Variants in ITSN1 observed in about 807,000 individuals in gnomAD.
The protein encoded by ITSN1 is intersectin 1.
In ITSN1, 58 loss-of-function variants were observed where a neutral mutation model predicts 239.8. The ratio of observed to expected loss-of-function variants is 0.24; its 90% CI spans 0.20 to 0.30. The LOEUF (loss-of-function observed/expected upper bound fraction) is 0.30. ITSN1 is among the 10% of genes least tolerant of loss of function. The pLI, the probability that ITSN1 is intolerant of heterozygous loss-of-function variation, is 1.00. For missense variants in ITSN1, 1,558 were observed against 2,103.3 expected (o/e 0.74, Z 5.07); for synonymous variants, 780 against 770.8 (o/e 1.01, Z -0.20).
At chr21:33,742,421 T>C (rs1472491317) in intron 5 of ITSN1, among the ~76,000 whole-genome samples, 1 of 152,152 alleles carries the variant, frequency 6.6e-6, no homozygotes, top group Non-Finnish European at 1.5e-5. Context: ...AAAACAGAAT[T>C]GTGTACATTT....
intron 26 of ITSN1, among the ~76,000 whole-genome samples, chr21:33,828,158 G>A (rs1481316784): frequency 1.3e-5 from 2 of 152,234 alleles, no homozygotes; most frequent in East Asian, 3.8e-4. Flanking sequence ...GGACACAAAA[G>A]ACTGCAGAGA....
intron 29 of ITSN1, 119 bp downstream of exon 29, chr21:33,836,751 T>C: frequency 1.2e-6 from 1 of 853,944 alleles, no homozygotes; most frequent in South Asian, 1.7e-5. Flanking sequence ...CATTGCTGCA[T>C]TCGCAGTCGT....
chr21:33,724,093 G>T (rs200228576), intron 4 of ITSN1, among the ~76,000 whole-genome samples: 1 of 113,934 alleles, frequency 8.8e-6, no homozygotes, highest in African/African-American at 4.0e-5. Flanking sequence ...TTGTGTGTGT[G>T]TGTTTGTGTG....
At chr21:33,788,821 C>T (rs576324897) in intron 16 of ITSN1, among the ~76,000 whole-genome samples, 1 of 152,170 alleles carries the variant, frequency 6.6e-6, no homozygotes, top group South Asian at 2.1e-4. Flanking sequence ...ATAAATGTAG[C>T]CTGGTACAGT....
chr21:33,812,417 T>C (rs768530852), intron 21 of ITSN1, among the ~76,000 whole-genome samples: 1 of 152,232 alleles, frequency 6.6e-6, no homozygotes, highest in Non-Finnish European at 1.5e-5. Context: ...TCAGATTTGT[T>C]TGTATATCTT....
rs1399036099 is a variant in ITSN1 at position 33,774,853 on chromosome 21, CTT to C, written c.1432_1433del (p.Leu478GlyfsTer3). The C allele has an allele frequency of 1.2e-6, 2 of 1,612,212 alleles. No individual in the cohort carries two copies. Among genetic ancestry groups the C allele is most frequent in the Non-Finnish European group, 1.7e-6 (2 of 1,179,528 alleles). ...GTTGTACTGAAAGCAAAGAAAAAGACTTTGGAATTTGAATTAGAAGCTCTAGT... is the reference window on the plus strand; with the variant it reads ...GTTGTACTGAAAGCAAAGAAAAAGACTGGAATTTGAATTAGAAGCTCTAGT... On this transcript the variant is annotated frameshift_variant, in exon 13 of 40. Transcript: ENST00000381318. LOFTEE classifies it high-confidence loss of function.
intron 16 of ITSN1, among the ~76,000 whole-genome samples, chr21:33,783,360 G>A (rs559514940): frequency 6.6e-6 from 1 of 152,164 alleles, no homozygotes; most frequent in African/African-American, 2.4e-5. Context: ...TGAGTTTGAG[G>A]TATGTGTGCT....
At chr21:33,805,647 G>A (rs1028293520) in intron 20 of ITSN1, among the ~76,000 whole-genome samples, 3 of 152,056 alleles carry the variant, frequency 2.0e-5, no homozygotes, top group African/African-American at 7.2e-5. Flanking sequence ...CTCCAGGTTG[G>A]AGCTTTAGAA....
chr21:33,653,397 G>A (rs1231744723), intron 1 of ITSN1, among the ~76,000 whole-genome samples: 1 of 152,202 alleles, frequency 6.6e-6, no homozygotes, highest in East Asian at 1.9e-4. Context: ...AACCAAGATA[G>A]AATCTCAGCC....
At chr21:33,659,472 G>A (rs910223004) in intron 1 of ITSN1, among the ~76,000 whole-genome samples, 1 of 152,176 alleles carries the variant, frequency 6.6e-6, no homozygotes, top group African/African-American at 2.4e-5. Context: ...ATGGGACCAA[G>A]CCCTTGATTT....
intron 31 of ITSN1, among the ~76,000 whole-genome samples, chr21:33,859,605 C>T (rs1425044589): frequency 6.6e-6 from 1 of 151,926 alleles, no homozygotes; most frequent in Non-Finnish European, 1.5e-5. Flanking sequence ...GGGCAGGCTC[C>T]AGAGCCTTGC....
At chr21:33,666,933 G>A (rs2089968530) in intron 1 of ITSN1, among the ~76,000 whole-genome samples, 1 of 152,090 alleles carries the variant, frequency 6.6e-6, no homozygotes, top group African/African-American at 2.4e-5. Flanking sequence ...CTCCCAACTG[G>A]GACTGCAGGG....
chr21:33,853,133 G>A (rs952344086), intron 29 of ITSN1, among the ~76,000 whole-genome samples: 3 of 152,164 alleles, frequency 2.0e-5, no homozygotes, highest in African/African-American at 4.8e-5. Flanking sequence ...CAACATCATT[G>A]GCACATAATG....
intron 5 of ITSN1, among the ~76,000 whole-genome samples, chr21:33,745,202 C>A (rs909856350): frequency 2.6e-5 from 4 of 152,188 alleles, no homozygotes; most frequent in African/African-American, 4.8e-5. Flanking sequence ...TTGGATGTAG[C>A]TGCGTATTTG....
chr21:33,659,562 T>TAGAACTC (rs1427412808), intron 1 of ITSN1, among the ~76,000 whole-genome samples: 1 of 152,096 alleles, frequency 6.6e-6, no homozygotes, highest in African/African-American at 2.4e-5. Context: ...GAACATTTTT[T>TAGAACTC]AGAACTCAGT....
At position 33,826,947 on chromosome 21, in the gene ITSN1, A is replaced by G. The variant is rs1228201464; in HGVS notation, c.3229+84A>G. On this transcript the variant is annotated intron_variant, in intron 26 of 39. Coordinates refer to ENST00000381318, the MANE Select transcript of ITSN1 (RefSeq NM_003024.3). The stretch of plus-strand genomic sequence containing the variant: ...CCCCATCTTTGTGTATTAGGGCCAG[A>G]AGCCTAAAATAAAAAGAATCTTTCC... The G allele has an allele frequency of 2.7e-6, 3 of 1,095,810 alleles. No individual in the cohort carries two copies. In the Admixed American group the frequency reaches 5.3e-5, roughly 19 times the overall value. The allele number at this position is 1,095,810 out of a possible 1,614,324, so 67.9% of individuals were successfully genotyped here. A position where few individuals can be genotyped will look rare whatever the true frequency, so the allele number is the denominator to read the frequency against.
intron 1 of ITSN1, among the ~76,000 whole-genome samples, chr21:33,699,949 A>G (rs2091938641): frequency 6.6e-6 from 1 of 151,880 alleles, no homozygotes; most frequent in Non-Finnish European, 1.5e-5. Flanking sequence ...TTTTGTAGAG[A>G]CAGCATCTTG....
At chr21:33,661,727 T>C (rs1295408068) in intron 1 of ITSN1, among the ~76,000 whole-genome samples, 4 of 152,132 alleles carry the variant, frequency 2.6e-5, no homozygotes. Flanking sequence ...CCCCATACTG[T>C]TCTTGTGGTA....
At chr21:33,745,742 C>T (rs772352511) in intron 5 of ITSN1, among the ~76,000 whole-genome samples, 1 of 152,164 alleles carries the variant, frequency 6.6e-6, no homozygotes, top group African/African-American at 2.4e-5. Flanking sequence ...CACAGAAGAG[C>T]AGGTATGACC....
Sources: gnomAD v4.1 joint callset for allele counts (sites outside exome capture counted in the v4.1 genomes callset) on GRCh38, gnomAD v4.1.1 for gene constraint, MANE v1.5 for transcripts, NCBI Gene and HGNC (gene_info 2026-07-23, HGNC 2026-07-21) for gene names.